The following DPY19L1 variants were observed in gnomAD, a reference collection of about 807,000 sequenced individuals.
The protein encoded by DPY19L1 is protein C-mannosyl-transferase DPY19L1.
DPY19L1 carries 35 observed loss-of-function variants against 96.9 expected under a neutral mutation model. That is an observed-to-expected ratio of 0.36 (90% confidence interval 0.28 to 0.48). DPY19L1 has a LOEUF of 0.48. Among genes scored for constraint, DPY19L1 ranks in the 20% least tolerant of loss-of-function variants. The pLI is 0.99. For missense variants in DPY19L1, 521 were observed against 777.9 expected, an observed-to-expected ratio of 0.67 and a Z score of 3.93; for synonymous variants, 205 against 252.6, an observed-to-expected ratio of 0.81 and a Z score of 1.79.
intron 7 of DPY19L1, among the ~76,000 whole-genome samples, chr7:34,983,229 T>C (rs536266920): frequency 3.3e-5 from 5 of 152,016 alleles, no homozygotes; most frequent in East Asian, 1.9e-4. Flanking sequence ...TTTACAGAAA[T>C]TGTCTTCATA....
At chr7:35,002,816 T>C (rs1429482800) in intron 6 of DPY19L1, among the ~76,000 whole-genome samples, 1 of 152,240 alleles carries the variant, frequency 6.6e-6, no homozygotes, top group Admixed American at 6.5e-5. Flanking sequence ...TCGCCCAGGC[T>C]GGAGTGCAGT....
At chr7:35,005,370 G>C (rs1029713325) in intron 6 of DPY19L1, among the ~76,000 whole-genome samples, 1 of 151,576 alleles carries the variant, frequency 6.6e-6, no homozygotes, top group African/African-American at 2.4e-5. Flanking sequence ...ATCAAAGGCA[G>C]GGCTGCTAAG....
At chr7:34,975,452 T>C (rs1474634744) in intron 7 of DPY19L1, among the ~76,000 whole-genome samples, 3 of 152,188 alleles carry the variant, frequency 2.0e-5, no homozygotes, top group South Asian at 2.1e-4. Context: ...AAGTTTGAAC[T>C]AGCAAAGGTT....
intron 11 of DPY19L1, among the ~76,000 whole-genome samples, chr7:34,955,638 G>T (rs1263480823): frequency 6.6e-6 from 1 of 152,122 alleles, no homozygotes; most frequent in Non-Finnish European, 1.5e-5. Flanking sequence ...TGACATATCT[G>T]ATTTATCTCT....
intron 7 of DPY19L1, 82 bp from the exon 8 acceptor site, chr7:34,973,687 A>G: frequency 1.4e-6 from 1 of 697,922 alleles, no homozygotes; most frequent in Non-Finnish European, 2.1e-6. Flanking sequence ...TATAAATAAA[A>G]TTATTTTTAA....
chr7:34,935,565 G>A (rs1783851413), intron 21 of DPY19L1, among the ~76,000 whole-genome samples: 1 of 151,974 alleles, frequency 6.6e-6, no homozygotes, highest in Non-Finnish European at 1.5e-5. Flanking sequence ...TTTAAACATA[G>A]TGCTCACCAA....
intron 6 of DPY19L1, among the ~76,000 whole-genome samples, chr7:35,003,221 T>C (rs1263698279): frequency 4.6e-5 from 7 of 152,166 alleles, no homozygotes; most frequent in Non-Finnish European, 1.5e-5. Context: ...AGATGAGGTC[T>C]ACCAAAGAGG....
intron 10 of DPY19L1, among the ~76,000 whole-genome samples, chr7:34,963,906 G>C (rs532504607): frequency 6.6e-6 from 1 of 152,188 alleles, no homozygotes; most frequent in Non-Finnish European, 1.5e-5. Flanking sequence ...AAGACAGAAA[G>C]TAGAATGGTG....
intron 6 of DPY19L1, among the ~76,000 whole-genome samples, chr7:35,005,063 A>G (rs1785519118): frequency 6.6e-6 from 1 of 152,232 alleles, no homozygotes; most frequent in African/African-American, 2.4e-5. Flanking sequence ...TGAATGGGAA[A>G]GAACTCAGAG....
chr7:34,993,351 C>G (rs1036714363), intron 6 of DPY19L1, among the ~76,000 whole-genome samples: 7 of 152,060 alleles, frequency 4.6e-5, no homozygotes, highest in African/African-American at 1.7e-4. Flanking sequence ...GTAAACATCC[C>G]TTTTACCAGC....
chr7:34,971,677 A>G (rs1784727111), intron 8 of DPY19L1, among the ~76,000 whole-genome samples: 1 of 152,212 alleles, frequency 6.6e-6, no homozygotes, highest in Non-Finnish European at 1.5e-5. Context: ...AGACGTGGGT[A>G]AGGCTGAAAA....
At chr7:34,968,294 C>T (rs1222222260) in intron 9 of DPY19L1, among the ~76,000 whole-genome samples, 2 of 149,278 alleles carry the variant, frequency 1.3e-5, no homozygotes, top group Non-Finnish European at 2.9e-5. Context: ...GAATCATATA[C>T]ATTACTTCAT....
intron 21 of DPY19L1, among the ~76,000 whole-genome samples, chr7:34,936,675 G>A (rs1783874880): frequency 6.6e-6 from 1 of 152,114 alleles, no homozygotes; most frequent in African/African-American, 2.4e-5. Flanking sequence ...ATTCACAAAC[G>A]CTTAAAACAT....
chr7:34,941,491 A>ATTAAGCTCTGCTT (rs1363087375), intron 18 of DPY19L1, among the ~76,000 whole-genome samples: 1 of 152,232 alleles, frequency 6.6e-6, no homozygotes, highest in East Asian at 1.9e-4. Flanking sequence ...TATTTGTACA[A>ATTAAGCTCTGCTT]TTAAGCTCTG....
chr7:35,031,297 A>G (rs1270990595), intron 1 of DPY19L1, among the ~76,000 whole-genome samples: 1 of 152,220 alleles, frequency 6.6e-6, no homozygotes, highest in Non-Finnish European at 1.5e-5. Context: ...ATATATAAGT[A>G]ACATTTACAT....
chr7:34,970,610 A>G (rs13311872), intron 8 of DPY19L1, among the ~76,000 whole-genome samples: 1 of 152,184 alleles, frequency 6.6e-6, no homozygotes, highest in Non-Finnish European at 1.5e-5. Flanking sequence ...TTTGAAAGCC[A>G]CTATCTAAAA....
chr7:34,960,791 T>C (rs1394263251), intron 10 of DPY19L1, among the ~76,000 whole-genome samples: 1 of 152,166 alleles, frequency 6.6e-6, no homozygotes, highest in African/African-American at 2.4e-5. Flanking sequence ...TTTTACTTGA[T>C]TATGGTCTTA....
rs375536479 is a variant in DPY19L1 at position 34,947,696 on chromosome 7, T to C, written c.1428A>G (p.Pro476=). The C allele has an allele frequency of 1.9e-6, 3 of 1,608,060 alleles. No homozygotes were observed. Among genetic ancestry groups the C allele is most frequent in the Non-Finnish European group, 2.5e-6 (3 of 1,177,950 alleles). ...GCAATAATGTCTTTGTGTATCTCAG[T>C]GGAGTCTGAAATTCAAAGAGATGTT... ...AEFDFMEKET[P]LRYTKTLLLP... Residue 476 remains proline, a synonymous_variant, in exon 15 of 22, where the codon CCA becomes CCG. Transcript: ENST00000638088.
At chr7:35,028,729 T>C (rs902491425) in intron 1 of DPY19L1, among the ~76,000 whole-genome samples, 23 of 152,236 alleles carry the variant, frequency 1.5e-4, no homozygotes, top group African/African-American at 4.8e-4. Context: ...AGGATACTTA[T>C]AGTATTCTCA....
Sources: allele counts gnomAD v4.1 joint callset (sites outside exome capture counted in the v4.1 genomes callset), GRCh38; gene constraint gnomAD v4.1.1; transcripts MANE v1.5; gene names NCBI Gene and HGNC (gene_info 2026-07-23, HGNC 2026-07-21).